The following ATP8A2 variants were observed in gnomAD, a reference collection of about 807,000 sequenced individuals.
The protein encoded by ATP8A2 is phospholipid-transporting ATPase IB.
Under a neutral mutation model 165.6 loss-of-function variants are expected in ATP8A2, and 100 were observed. That is an observed-to-expected ratio of 0.60 (90% CI 0.51 to 0.71). The LOEUF (loss-of-function observed/expected upper bound fraction) is 0.71. ATP8A2 is among the 30% of genes least tolerant of loss of function. The probability of loss-of-function intolerance (pLI) is 0.00; values close to 1 mark genes in which losing one functional copy is unlikely to be tolerated. For synonymous variants in ATP8A2, 543 were observed against 548.8 expected (o/e 0.99, Z 0.15); for missense variants, 1,227 against 1,479.5 (o/e 0.83, Z 2.80).
chr13:25,674,629 TC>T (rs1306771328), intron 24 of ATP8A2, among the ~76,000 whole-genome samples: 1 of 152,160 alleles, frequency 6.6e-6, no homozygotes, highest in Non-Finnish European at 1.5e-5. Flanking sequence ...AGCATAAAAT[TC>T]CCATCAGACT....
intron 2 of ATP8A2, among the ~76,000 whole-genome samples, chr13:25,474,827 GTTATTA>G (rs1046879979): frequency 6.6e-6 from 1 of 151,374 alleles, no homozygotes; most frequent in Non-Finnish European, 1.5e-5. Flanking sequence ...GTACTCAATA[GTTATTA>G]TTATTATTAT....
chr13:25,875,191 C>T (rs1456595083), intron 33 of ATP8A2, among the ~76,000 whole-genome samples: 23 of 151,996 alleles, frequency 1.5e-4, no homozygotes, highest in Admixed American at 1.4e-3. Context: ...AGTGTGACTT[C>T]GGTTAACCAT....
At chr13:25,510,948 C>G (rs758530979) in intron 2 of ATP8A2, among the ~76,000 whole-genome samples, 1 of 152,186 alleles carries the variant, frequency 6.6e-6, no homozygotes, top group Admixed American at 6.5e-5. Flanking sequence ...TCAATAATCT[C>G]CTGCCCTCTC....
chr13:25,891,602 G>T (rs1346002354), intron 33 of ATP8A2, among the ~76,000 whole-genome samples: 1 of 152,120 alleles, frequency 6.6e-6, no homozygotes, highest in African/African-American at 2.4e-5. Context: ...GCGATTACAG[G>T]TGCGAGCCAC....
chr13:25,480,315 C>T (rs559308169), intron 2 of ATP8A2, among the ~76,000 whole-genome samples: 10 of 151,514 alleles, frequency 6.6e-5, no homozygotes, highest in East Asian at 2.0e-4. Flanking sequence ...ACCTCCCTCC[C>T]GGACGGGGCG....
chr13:25,544,891 G>A (rs534826761), intron 10 of ATP8A2, among the ~76,000 whole-genome samples: 1 of 150,774 alleles, frequency 6.6e-6, no homozygotes, highest in East Asian at 1.9e-4. Context: ...TAGCCAAATG[G>A]CGTGAATTTT....
At chr13:26,004,858 T>G (rs369035269) in intron 35 of ATP8A2, among the ~76,000 whole-genome samples, 1 of 152,078 alleles carries the variant, frequency 6.6e-6, no homozygotes, top group East Asian at 1.9e-4. Flanking sequence ...GGTGAATGAT[T>G]CTTTCAATGT....
intron 24 of ATP8A2, among the ~76,000 whole-genome samples, chr13:25,618,571 T>C (rs531123820): frequency 6.6e-6 from 1 of 152,164 alleles, no homozygotes; most frequent in African/African-American, 2.4e-5. Flanking sequence ...TTAGCAACTT[T>C]GTCTGTTTTA....
intron 30 of ATP8A2, among the ~76,000 whole-genome samples, chr13:25,859,251 A>T (rs116620261): frequency 1.4e-4 from 21 of 152,152 alleles, no homozygotes; most frequent in African/African-American, 5.1e-4. Flanking sequence ...AACACTACCC[A>T]TTGGGTACTA....
At chr13:25,524,948 G>A (rs1056866980) in intron 2 of ATP8A2, among the ~76,000 whole-genome samples, 1 of 124,928 alleles carries the variant, frequency 8.0e-6, no homozygotes, top group Non-Finnish European at 1.7e-5. Flanking sequence ...CTTTCCTTCC[G>A]TCTTTCAGTC....
intron 1 of ATP8A2, among the ~76,000 whole-genome samples, chr13:25,451,293 A>T (rs940351668): frequency 1.3e-5 from 2 of 152,006 alleles, no homozygotes; most frequent in Middle Eastern, 3.2e-3. Flanking sequence ...ATTCAGCAAG[A>T]CTGCAAGGTT....
At chr13:25,810,855 G>T (rs1021652763) in intron 27 of ATP8A2, among the ~76,000 whole-genome samples, 1 of 152,104 alleles carries the variant, frequency 6.6e-6, no homozygotes, top group African/African-American at 2.4e-5. Context: ...ATGGTTATTG[G>T]TGTGATTATG....
intron 1 of ATP8A2, among the ~76,000 whole-genome samples, chr13:25,428,999 G>T (rs2034529036): frequency 6.6e-6 from 1 of 152,070 alleles, no homozygotes. Flanking sequence ...CATGGAAAGG[G>T]AGGCTGAAGA....
intron 27 of ATP8A2, among the ~76,000 whole-genome samples, chr13:25,784,520 G>T (rs1320046890): frequency 6.6e-6 from 1 of 152,136 alleles, no homozygotes; most frequent in East Asian, 1.9e-4. Context: ...TTCCAAATTG[G>T]TTATGACTTC....
intron 24 of ATP8A2, among the ~76,000 whole-genome samples, chr13:25,633,078 G>T (rs895800486): frequency 6.6e-6 from 1 of 152,176 alleles, no homozygotes; most frequent in Non-Finnish European, 1.5e-5. Flanking sequence ...AGAAGATTCT[G>T]CTCACTTGTT....
At chr13:25,817,818 C>T (rs530791034) in intron 27 of ATP8A2, among the ~76,000 whole-genome samples, 1 of 152,186 alleles carries the variant, frequency 6.6e-6, no homozygotes, top group South Asian at 2.1e-4. Context: ...ACTGGGACTA[C>T]AGGCATGTGC....
chr13:25,561,459 G>A (rs115403651), intron 15 of ATP8A2, among the ~76,000 whole-genome samples: 1,566 of 151,460 alleles, frequency 0.01, 24 homozygotes, highest in African/African-American at 0.036. Flanking sequence ...TTCAGTTTTC[G>A]AAAGCATTCC....
chr13:25,425,623 G>A (rs2034426998), intron 1 of ATP8A2, among the ~76,000 whole-genome samples: 2 of 150,600 alleles, frequency 1.3e-5, no homozygotes, highest in African/African-American at 4.9e-5. Context: ...CGCCCAGGCT[G>A]GAGTGCAATG....
chr13:25,677,799 G>A (rs2042402030), intron 24 of ATP8A2, among the ~76,000 whole-genome samples: 1 of 152,142 alleles, frequency 6.6e-6, no homozygotes, highest in African/African-American at 2.4e-5. Flanking sequence ...AGAACATGAA[G>A]GAGTGGATTC....
Sources: allele counts gnomAD v4.1 joint callset (sites outside exome capture counted in the v4.1 genomes callset), GRCh38; gene constraint gnomAD v4.1.1; transcripts MANE v1.5; gene names NCBI Gene and HGNC (gene_info 2026-07-23, HGNC 2026-07-21).